LINGO2: variants seen among roughly 807,000 people sequenced by gnomAD.
The protein encoded by LINGO2 is leucine-rich repeat and immunoglobulin-like domain-containing nogo receptor-interacting protein 2.
Under a neutral mutation model 30.6 loss-of-function variants are expected in LINGO2, and 14 were observed. The observed-to-expected ratio is 0.46, with a 90% CI of 0.30 to 0.72. LINGO2 has a LOEUF of 0.72. Among genes scored for constraint, LINGO2 ranks in the 30% least tolerant of loss-of-function variants. The pLI is 0.07. For missense variants in LINGO2, 729 were observed against 751.7 expected (o/e 0.97, Z 0.35); for synonymous variants, 317 against 288.5 (o/e 1.10, Z -1.00).
At chr9:28,418,891 T>A (rs1823077051) in intron 2 of LINGO2, among the ~76,000 whole-genome samples, 1 of 152,060 alleles carries the variant, frequency 6.6e-6, no homozygotes, top group South Asian at 2.1e-4. Flanking sequence ...AAATGTGGAA[T>A]GAATATTTTT....
intron 3 of LINGO2, among the ~76,000 whole-genome samples, chr9:28,332,347 C>T (rs187326963): frequency 2.6e-5 from 4 of 152,144 alleles, no homozygotes; most frequent in East Asian, 1.9e-4. Context: ...TAATCCAAGG[C>T]GCTACACTGA....
At chr9:28,802,026 CAA>C in the LINGO2 span, among the ~76,000 whole-genome samples, 3 of 151,518 alleles carry the variant, frequency 2.0e-5, no homozygotes, top group African/African-American at 7.3e-5. Context: ...TATATTATAA[CAA>C]AAGTTATGCA....
the LINGO2 span, among the ~76,000 whole-genome samples, chr9:28,886,019 T>C: frequency 6.6e-6 from 1 of 152,220 alleles, no homozygotes; most frequent in African/African-American, 2.4e-5. Context: ...TTTGGCTATT[T>C]ATTTTCCTAT....
At chr9:28,055,322 A>T (rs1390654000) in intron 4 of LINGO2, among the ~76,000 whole-genome samples, 1 of 152,128 alleles carries the variant, frequency 6.6e-6, no homozygotes, top group Non-Finnish European at 1.5e-5. Context: ...TTCTTGATAG[A>T]ACAGGTACAG....
chr9:29,042,818 G>C, the LINGO2 span, among the ~76,000 whole-genome samples: 3 of 151,802 alleles, frequency 2.0e-5, no homozygotes, highest in Admixed American at 6.6e-5. Context: ...AGTGAACAAA[G>C]TCAACCCTAA....
the LINGO2 span, among the ~76,000 whole-genome samples, chr9:29,189,033 ACGGGGCGGCTGGCCGGGCGGGGGGCTG>A: frequency 5.1e-5 from 5 of 98,146 alleles, no homozygotes; most frequent in Admixed American, 2.9e-4. Context: ...TACCTCCCAG[ACGGGGCGGCTGGCCGGGCGGGGGGCTG>A]ACCCCCCCCA....
chr9:28,284,896 G>C (rs1823452146), intron 4 of LINGO2, among the ~76,000 whole-genome samples: 1 of 152,170 alleles, frequency 6.6e-6, no homozygotes, highest in Non-Finnish European at 1.5e-5. Context: ...TTATTAAGGA[G>C]AGTATTACCT....
chr9:28,015,168 T>C (rs542821386), intron 4 of LINGO2, among the ~76,000 whole-genome samples: 3 of 152,214 alleles, frequency 2.0e-5, no homozygotes, highest in Non-Finnish European at 4.4e-5. Flanking sequence ...AAAATGGAAA[T>C]ATATTAGTGG....
At chr9:29,092,643 A>G in the LINGO2 span, among the ~76,000 whole-genome samples, 3 of 140,532 alleles carry the variant, frequency 2.1e-5, 1 homozygote, top group Non-Finnish European at 4.7e-5. Flanking sequence ...GAAAGATGTT[A>G]AAGTGTATAT....
At chr9:28,313,342 G>A (rs956701666) in intron 3 of LINGO2, among the ~76,000 whole-genome samples, 4 of 152,140 alleles carry the variant, frequency 2.6e-5, no homozygotes, top group Non-Finnish European at 5.9e-5. Flanking sequence ...TGCAATTTGG[G>A]AAAGATCCAG....
intron 2 of LINGO2, among the ~76,000 whole-genome samples, chr9:28,427,050 T>G (rs952926484): frequency 3.3e-5 from 5 of 152,250 alleles, no homozygotes; most frequent in Admixed American, 1.3e-4. Context: ...ACCTAATATC[T>G]GGTTTCATAC....
chr9:29,195,236 T>C, the LINGO2 span, among the ~76,000 whole-genome samples: 4 of 152,180 alleles, frequency 2.6e-5, no homozygotes, highest in African/African-American at 7.2e-5. Flanking sequence ...TTCTACGCAG[T>C]GGATACCACA....
chr9:29,017,321 T>G, the LINGO2 span, among the ~76,000 whole-genome samples: 1 of 152,110 alleles, frequency 6.6e-6, no homozygotes. Flanking sequence ...ATGTAAGGCC[T>G]TCAAACCATA....
At chr9:29,197,880 T>A in the LINGO2 span, among the ~76,000 whole-genome samples, 3 of 151,530 alleles carry the variant, frequency 2.0e-5, no homozygotes, top group Non-Finnish European at 4.4e-5. Flanking sequence ...TAAATACACT[T>A]TACTTAAGTA....
chr9:28,346,296 T>A (rs1300695837), intron 3 of LINGO2, among the ~76,000 whole-genome samples: 1 of 152,200 alleles, frequency 6.6e-6, no homozygotes, highest in African/African-American at 2.4e-5. Flanking sequence ...TGTGAGAAAA[T>A]GTGGTATTCA....
chr9:28,419,533 C>T lies in LINGO2; in HGVS notation c.-278-46665G>A, dbSNP rs192907760. On this transcript the variant is annotated intron_variant, in intron 2 of 5. Coordinates refer to ENST00000379992, the Ensembl canonical transcript of LINGO2. ...TCCATCTTGTCCTTAAACATAGAAACGGAAGAAGAACAAGCCTGGCCAATA... is the reference window on the plus strand; with the variant it reads ...TCCATCTTGTCCTTAAACATAGAAATGGAAGAAGAACAAGCCTGGCCAATA... 9.6e-4 allele frequency among the ~76,000 whole-genome samples: 145 copies of T among 150,382 alleles called. 1 individual carries two copies. Among genetic ancestry groups the T allele is most frequent in the African/African-American group, 3.4e-3 (138 of 40,906 alleles).
In LINGO2 at chr9:28,189,278, AGGGAGGG is replaced by A. The variant is rs1564028651; in HGVS notation, c.-87+105923_-87+105929del. The stretch of plus-strand genomic sequence containing the variant: ...GAGGAAGGAAGGGAGGGAGGAAGGG[AGGGAGGG>A]AGGGAGGAAGGAAGGAAGGGAGGAA... On this transcript the variant is annotated intron_variant, in intron 4 of 5. Transcript: ENST00000379992. Among the ~76,000 whole-genome samples the A allele has an allele frequency of 3.9e-4, 25 of 64,868 alleles. 2 individuals are homozygous for A. In the East Asian group the frequency reaches 4.3e-3, roughly 11 times the overall value. 42.6% of individuals were successfully genotyped at this position (64,868 alleles called of 152,430 possible). A position where few individuals can be genotyped will look rare whatever the true frequency, so the allele number is the denominator to read the frequency against.
At chr9:28,519,871 C>T (rs542881090) in intron 1 of LINGO2, among the ~76,000 whole-genome samples, 2 of 151,992 alleles carry the variant, frequency 1.3e-5, no homozygotes, top group Non-Finnish European at 2.9e-5. Context: ...GCCCTTGATC[C>T]CCAATTTTTT....
chr9:28,736,348 A>C, the LINGO2 span, among the ~76,000 whole-genome samples: 1 of 152,182 alleles, frequency 6.6e-6, no homozygotes, highest in Non-Finnish European at 1.5e-5. Flanking sequence ...GAATAATGTT[A>C]GCAGTATGTG....
Sources: gnomAD v4.1 joint callset for allele counts (sites outside exome capture counted in the v4.1 genomes callset) on GRCh38, gnomAD v4.1.1 for gene constraint, MANE v1.5 for transcripts, NCBI Gene and HGNC (gene_info 2026-07-23, HGNC 2026-07-21) for gene names.